The following VGLL1 variants were observed in gnomAD, a reference collection of about 807,000 sequenced individuals.
VGLL1 encodes the protein transcription cofactor vestigial-like protein 1.
VGLL1 carries 4 observed loss-of-function variants against 12.0 expected under a neutral mutation model. That is an observed-to-expected ratio of 0.33 (90% CI 0.16 to 0.76). The LOEUF (loss-of-function observed/expected upper bound fraction) is 0.76, where lower values mean the gene tolerates loss of function less well. VGLL1 is among the 30% of genes least tolerant of loss of function. The probability of loss-of-function intolerance (pLI) is 0.60; values close to 1 mark genes in which losing one functional copy is unlikely to be tolerated. For synonymous variants in VGLL1, 87 were observed against 81.2 expected (o/e 1.07, Z -0.39); for missense variants, 204 against 208.7 (o/e 0.98, Z 0.14).
intron 2 of VGLL1, among the ~76,000 whole-genome samples, chrX:136,547,321 T>C (rs190013949): frequency 1.8e-5 from 2 of 112,331 alleles, no homozygotes; most frequent in East Asian, 5.6e-4. Context: ...TGTCCTAAGC[T>C]ATCCTGGACA....
At chrX:136,550,661 C>G in intron 3 of VGLL1, 107 bp from the exon 4 acceptor site, 1 of 516,151 alleles carries the variant, frequency 1.9e-6, no homozygotes, top group Non-Finnish European at 3.3e-6. Context: ...GCTAGATATT[C>G]ATAAACTTAG....
intron 3 of VGLL1, among the ~76,000 whole-genome samples, chrX:136,549,739 T>A (rs899610709): frequency 3.6e-4 from 40 of 111,847 alleles, no homozygotes; most frequent in African/African-American, 1.2e-3. Context: ...CAAGGCTCCC[T>A]TCTTTGTAAA....
intron 2 of VGLL1, among the ~76,000 whole-genome samples, chrX:136,537,851 C>G (rs892710493): frequency 5.4e-5 from 6 of 110,141 alleles, no homozygotes; most frequent in African/African-American, 2.0e-4. Flanking sequence ...CAGGTGTGAA[C>G]CACCACACCC....
chrX:136,538,465 G>T (rs2075846436), intron 2 of VGLL1, among the ~76,000 whole-genome samples: 1 of 112,355 alleles, frequency 8.9e-6, no homozygotes, highest in South Asian at 3.7e-4. Context: ...AGTCACCCTC[G>T]CCAGCTGGAT....
intron 4 of VGLL1, among the ~76,000 whole-genome samples, chrX:136,553,592 G>T (rs778828061): frequency 8.9e-6 from 1 of 112,267 alleles, no homozygotes; most frequent in Non-Finnish European, 1.9e-5. Flanking sequence ...GATTACAGGC[G>T]TGAGCCACTG....
chrX:136,552,868 CAT>C (rs2075890287), intron 4 of VGLL1, among the ~76,000 whole-genome samples: 1 of 111,970 alleles, frequency 8.9e-6, no homozygotes, highest in African/African-American at 3.2e-5. Context: ...TTTTACCACA[CAT>C]GAGTTCACTG....
intron 1 of VGLL1, among the ~76,000 whole-genome samples, chrX:136,533,263 G>T (rs771305311): frequency 9.0e-6 from 1 of 111,496 alleles, no homozygotes; most frequent in South Asian, 3.8e-4. Context: ...GGAAAAGAAG[G>T]GCATAGGTGG....
chrX:136,536,491 T>C (rs1030498250), intron 2 of VGLL1, among the ~76,000 whole-genome samples: 3 of 111,531 alleles, frequency 2.7e-5, no homozygotes, highest in Non-Finnish European at 5.6e-5. Flanking sequence ...CTTTGATTTC[T>C]TCCTGGCCTT....
At chrX:136,535,425 A>C (rs1457955026) in intron 1 of VGLL1, among the ~76,000 whole-genome samples, 2 of 112,033 alleles carry the variant, frequency 1.8e-5, no homozygotes, top group East Asian at 5.6e-4. Flanking sequence ...GCTAGTTTCT[A>C]AGATGGGATG....
intron 4 of VGLL1, among the ~76,000 whole-genome samples, chrX:136,553,431 C>T (rs1272693241): frequency 9.3e-6 from 1 of 107,303 alleles, no homozygotes; most frequent in Non-Finnish European, 1.9e-5. Flanking sequence ...CTGCCTCAGC[C>T]TCCCAAGTAG....
chrX:136,536,291 A>G, intron 2 of VGLL1, 57 bp downstream of exon 2: 2 of 1,110,847 alleles, frequency 1.8e-6, no homozygotes, highest in Non-Finnish European at 1.2e-6. Context: ...CCACGGATAC[A>G]CCAGTTCTTT....
intron 2 of VGLL1, among the ~76,000 whole-genome samples, chrX:136,539,768 G>A (rs1007562537): frequency 4.5e-5 from 5 of 111,531 alleles, no homozygotes; most frequent in African/African-American, 1.6e-4. Flanking sequence ...GATTTCAGAC[G>A]TGCCTGTCTA....
At chrX:136,535,941 C>T in intron 1 of VGLL1, 55 bp from the exon 2 acceptor site, 1 of 1,052,893 alleles carries the variant, frequency 9.5e-7, no homozygotes, top group South Asian at 2.1e-5. Flanking sequence ...TCACCCAAAC[C>T]ACAGCCAAGC....
At chrX:136,538,625 C>A (rs1463472105) in intron 2 of VGLL1, among the ~76,000 whole-genome samples, 2 of 112,606 alleles carry the variant, frequency 1.8e-5, no homozygotes, top group East Asian at 5.5e-4. Flanking sequence ...CAAGTAGGGG[C>A]TTTTGTGTAA....
chrX:136,553,550 G>T, intron 4 of VGLL1, among the ~76,000 whole-genome samples: 1 of 111,721 alleles, frequency 9.0e-6, no homozygotes, highest in Non-Finnish European at 1.9e-5. Context: ...GACCTCAGGT[G>T]ATCAGCCCGC....
chrX:136,556,162 A>C (rs1215632004), intron 4 of VGLL1, among the ~76,000 whole-genome samples: 1 of 112,100 alleles, frequency 8.9e-6, no homozygotes, highest in African/African-American at 3.2e-5. Flanking sequence ...CAATCCTAAC[A>C]AAGTGACCCC....
rs759964986 is a variant in VGLL1 at position 136,548,995 on chromosome X, C to T, written c.621C>T (p.Pro207=). Reference sequence around the variant, plus strand: ...CAGGGTTGCTCTTCAACCTGCCTCCCGGCTCAGTTCACTGTAAGGAAATGC... The same window carrying T: ...CAGGGTTGCTCTTCAACCTGCCTCCTGGCTCAGTTCACTGTAAGGAAATGC... ...GSTGLLFNLP[P]GSVHYKKLYV... The change falls in exon 3 of 5, where the codon CCC becomes CCT. Residue 207 remains proline, a synonymous_variant. Transcript: ENST00000370634. 8.3e-7 allele frequency: 1 copy of T among 1,205,570 alleles called. No homozygotes were observed. The highest frequency in any genetic ancestry group is 1.1e-6 in the Non-Finnish European group (1 of 892,630).
chrX:136,540,799 G>T (rs2075854171), intron 2 of VGLL1, among the ~76,000 whole-genome samples: 1 of 111,263 alleles, frequency 9.0e-6, no homozygotes, highest in South Asian at 3.8e-4. Context: ...TACAGATGGG[G>T]GTCACCGTAG....
chrX:136,550,980 G>A (rs758293126), intron 4 of VGLL1, 159 bp downstream of exon 4: 1 of 468,263 alleles, frequency 2.1e-6, no homozygotes, highest in South Asian at 3.8e-5. Flanking sequence ...TGTTTTCATA[G>A]ATAGAATTTG....
Sources: allele counts gnomAD v4.1 joint callset (sites outside exome capture counted in the v4.1 genomes callset), GRCh38; gene constraint gnomAD v4.1.1; transcripts MANE v1.5; gene names NCBI Gene and HGNC (gene_info 2026-07-23, HGNC 2026-07-21).